Variants in LPCAT1 observed in about 807,000 individuals in gnomAD.
LPCAT1 encodes lysophosphatidylcholine acyltransferase 1.
A neutral mutation model predicts 60.9 loss-of-function variants in LPCAT1; 23 were observed. That is an observed-to-expected ratio of 0.38 (90% CI 0.27 to 0.53). The LOEUF is 0.53. Among genes scored for constraint, LPCAT1 ranks in the 20% least tolerant of loss-of-function variants. The pLI is 0.82. For synonymous variants in LPCAT1, 340 were observed against 301.1 expected (o/e 1.13, Z -1.34); for missense variants, 622 against 723.6 (o/e 0.86, Z 1.61).
At chr5:1,489,572 G>A (rs778372095) in intron 4 of LPCAT1, among the ~76,000 whole-genome samples, 174 bp downstream of exon 4, 2 of 152,116 alleles carry the variant, frequency 1.3e-5, no homozygotes, top group East Asian at 1.9e-4. Flanking sequence ...TTTAAATTTC[G>A]GGCACCGAAA....
At chr5:1,510,172 C>A (rs1052383644) in intron 1 of LPCAT1, among the ~76,000 whole-genome samples, 7 of 152,220 alleles carry the variant, frequency 4.6e-5, no homozygotes, top group African/African-American at 1.7e-4. Context: ...TTTTCACCCC[C>A]ACCCCGTGTG....
At chr5:1,465,303 TGC>T (rs200021142) in intron 13 of LPCAT1, among the ~76,000 whole-genome samples, 2,920 of 104,796 alleles carry the variant, frequency 0.028, 123 homozygotes, top group African/African-American at 0.1. Context: ...TAAACACATG[TGC>T]GCGCACACAC....
At chr5:1,489,405 G>T (rs1256294342) in intron 4 of LPCAT1, among the ~76,000 whole-genome samples, 1 of 152,206 alleles carries the variant, frequency 6.6e-6, no homozygotes, top group African/African-American at 2.4e-5. Flanking sequence ...AGGACTTTTA[G>T]AACCACCCAA....
At chr5:1,509,427 C>T (rs183155520) in intron 1 of LPCAT1, among the ~76,000 whole-genome samples, 193 of 152,362 alleles carry the variant, frequency 1.3e-3, no homozygotes, top group Non-Finnish European at 2.0e-3. Context: ...CACACACAGG[C>T]GCCTGCTGTC....
At position 1,502,430 on chromosome 5, in the gene LPCAT1, G is replaced by A. The variant is rs939477328; in HGVS notation, c.136-827C>T. ...ACCTCAGACCACAGAGAAGACGGCAGAATGAAGGTGTGACTTTCCAGTCAA... is the reference window on the plus strand; with the variant it reads ...ACCTCAGACCACAGAGAAGACGGCAAAATGAAGGTGTGACTTTCCAGTCAA... On this transcript the variant is annotated intron_variant, in intron 1 of 13. Transcript: ENST00000283415. This position sits in a 1 kb window ranked among gnomAD's most constrained non-coding sequence, Gnocchi z 5.5. Among the ~76,000 whole-genome samples, 4 of 152,234 alleles carry A rather than the reference G, an allele frequency of 2.6e-5. No homozygotes were observed. Among genetic ancestry groups the A allele is most frequent in the African/African-American group, 9.6e-5 (4 of 41,466 alleles).
chr5:1,504,526 G>T (rs1736123004), intron 1 of LPCAT1, among the ~76,000 whole-genome samples: 1 of 152,344 alleles, frequency 6.6e-6, no homozygotes, highest in African/African-American at 2.4e-5. Flanking sequence ...AGACCAGCCT[G>T]ACCAACATGG....
In LPCAT1 at chr5:1,523,690, C is replaced by T; in HGVS notation, c.135+20G>A. Reference sequence around the variant, plus strand: ...TGGCGTCCGCGCCGGCTCCCGGGGCCGCGCGCCCTGGGCACCCACCTGGGC... The same window carrying T: ...TGGCGTCCGCGCCGGCTCCCGGGGCTGCGCGCCCTGGGCACCCACCTGGGC... On this transcript the variant is annotated intron_variant, in intron 1 of 13. Coordinates refer to ENST00000283415, the MANE Select transcript of LPCAT1 (RefSeq NM_024830.5). The surrounding 1 kb of genome is among the most constrained non-coding windows in gnomAD (Gnocchi z 7.1). The T allele has an allele frequency of 9.2e-7, 1 of 1,090,780 alleles. No individual in the cohort carries two copies. The highest frequency in any genetic ancestry group is 1.1e-6 in the Non-Finnish European group (1 of 897,022). 67.6% of individuals were successfully genotyped at this position (1,090,780 alleles called of 1,614,324 possible). A position where few individuals can be genotyped will look rare whatever the true frequency, so the allele number is the denominator to read the frequency against.
chr5:1,496,493 G>A lies in LPCAT1; in HGVS notation c.279-1579C>T, dbSNP rs186643872. Among the ~76,000 whole-genome samples, 6 of 152,198 alleles carry A rather than the reference G, an allele frequency of 3.9e-5. No individual in the cohort carries two copies. The highest frequency in any genetic ancestry group is 4.8e-5 in the African/African-American group (2 of 41,538). ...CCTAAGATGGAAGAAACAAGGCAGC[G>A]GCGGAGGGAGAAGCGAGGCTGCAGA... On this transcript the variant is annotated intron_variant, in intron 2 of 13. Transcript: ENST00000283415. The surrounding 1 kb of genome is among the most constrained non-coding windows in gnomAD (Gnocchi z 4.7).
chr5:1,497,606 G>A (rs548292968), intron 2 of LPCAT1, among the ~76,000 whole-genome samples: 113 of 152,336 alleles, frequency 7.4e-4, no homozygotes, highest in South Asian at 5.6e-3. Flanking sequence ...GGTCAGGGAC[G>A]GCCCCTGGGT....
At position 1,476,746 on chromosome 5, in the gene LPCAT1, C is replaced by T. The variant is rs1734934715; in HGVS notation, c.899+658G>A. Among the ~76,000 whole-genome samples the T allele has an allele frequency of 6.6e-6, 1 of 150,984 alleles. No homozygotes were observed. Among genetic ancestry groups the T allele is most frequent in the African/African-American group, 2.4e-5 (1 of 40,924 alleles). The stretch of plus-strand genomic sequence containing the variant: ...AAATCCAGGTGGGAGGACCTGGTTG[C>T]AAGGACAAGTGTGGGGGGAATGGGA... On this transcript the variant is annotated intron_variant, in intron 9 of 13. Transcript: ENST00000283415. The surrounding 1 kb of genome is among the most constrained non-coding windows in gnomAD (Gnocchi z 8.6).
At chr5:1,517,738 T>C (rs1015418957) in intron 1 of LPCAT1, among the ~76,000 whole-genome samples, 4 of 151,636 alleles carry the variant, frequency 2.6e-5, no homozygotes, top group Non-Finnish European at 4.4e-5. Flanking sequence ...GTAGTGACCA[T>C]AGCTTGACAT....
chr5:1,467,395 G>C (rs1052862197), intron 12 of LPCAT1: 1 of 153,062 alleles, frequency 6.5e-6, no homozygotes, highest in Non-Finnish European at 1.5e-5. Context: ...GGACCTGGGA[G>C]GGCCGGGAGG....
chr5:1,475,355 C>T (rs879879549), intron 9 of LPCAT1, among the ~76,000 whole-genome samples: 7 of 152,206 alleles, frequency 4.6e-5, no homozygotes, highest in Non-Finnish European at 8.8e-5. Flanking sequence ...GTCCTGGCCC[C>T]GCCACGTGTG....
intron 4 of LPCAT1, among the ~76,000 whole-genome samples, chr5:1,488,994 T>A: frequency 6.6e-6 from 1 of 152,230 alleles, no homozygotes. Flanking sequence ...TGGCCTGCAG[T>A]AGCAAAAACT....
At position 1,521,246 on chromosome 5, in the gene LPCAT1, G is replaced by A. The variant is rs552220401; in HGVS notation, c.135+2464C>T. 585 of 744,956 alleles carry A rather than the reference G, an allele frequency of 7.9e-4. 1 individual carries two copies. The highest frequency in any genetic ancestry group is 9.3e-4 in the Non-Finnish European group (567 of 611,002). The allele number at this position is 744,956 out of a possible 1,614,324, so 46.1% of individuals were successfully genotyped here. On this transcript the variant is annotated intron_variant, in intron 1 of 13. Transcript: ENST00000283415. This position sits in a 1 kb window ranked among gnomAD's most constrained non-coding sequence, Gnocchi z 4.3. The stretch of plus-strand genomic sequence containing the variant: ...TAAATCTGTAGTTAAATGACAGATG[G>A]GCTGGCTGGAGGAGGAGGTGTCCCC...
At chr5:1,479,879 A>G (rs556530168) in intron 7 of LPCAT1, among the ~76,000 whole-genome samples, 1 of 150,844 alleles carries the variant, frequency 6.6e-6, no homozygotes, top group South Asian at 2.1e-4. Flanking sequence ...TGCTTTTCCG[A>G]TTCAACACCT....
rs182863774 is a variant in LPCAT1, at chr5:1,468,095, C to G, written c.1279-1205G>C. ...GCGGTGCTCAGGGAAGAAACGCTGACGCCTCCAGCCTTCCGGCCTGGCAAG... is the reference window on the plus strand; with the variant it reads ...GCGGTGCTCAGGGAAGAAACGCTGAGGCCTCCAGCCTTCCGGCCTGGCAAG... On this transcript the variant is annotated intron_variant, in intron 12 of 13. Transcript: ENST00000283415. Among the ~76,000 whole-genome samples, 44 of 152,274 alleles carry G rather than the reference C, an allele frequency of 2.9e-4. No homozygotes were observed. The South Asian group carries it at 2.9e-3, about 10-fold the overall frequency.
Position 1,483,297 on chromosome 5 carries a change from A to G in LPCAT1, c.726+131T>C. On this transcript the variant is annotated intron_variant, in intron 6 of 13. Coordinates refer to ENST00000283415, the MANE Select transcript of LPCAT1 (RefSeq NM_024830.5). The surrounding 1 kb of genome is among the most constrained non-coding windows in gnomAD (Gnocchi z 9.2). ...AGCGCTGAGGCCGGATGGACTCAGC[A>G]TGGCCAAGTGTGGGCTGTGGCGCAG... The G allele has an allele frequency of 9.6e-7, 1 of 1,041,444 alleles. No individual in the cohort carries two copies. Among genetic ancestry groups the G allele is most frequent in the Non-Finnish European group, 1.5e-6 (1 of 669,260 alleles). The allele number at this position is 1,041,444 out of a possible 1,614,324, so 64.5% of individuals were successfully genotyped here.
intron 11 of LPCAT1, among the ~76,000 whole-genome samples, chr5:1,472,974 TG>T (rs1560954513): frequency 6.6e-6 from 1 of 152,130 alleles, no homozygotes; most frequent in Non-Finnish European, 1.5e-5. Flanking sequence ...TCCCCTGTCC[TG>T]GGTGCTCCTC....
Sources: gnomAD v4.1 joint callset for allele counts (sites outside exome capture counted in the v4.1 genomes callset) on GRCh38, gnomAD v4.1.1 for gene constraint, Gnocchi (gnomAD v3.1) non-coding constraint, MANE v1.5 for transcripts, NCBI Gene and HGNC (gene_info 2026-07-23, HGNC 2026-07-21) for gene names.